The following MPHOSPH9 variants were observed in gnomAD, a reference collection of about 807,000 sequenced individuals.
The protein encoded by MPHOSPH9 is M-phase phosphoprotein 9.
Under a neutral mutation model 145.5 loss-of-function variants are expected in MPHOSPH9, and 88 were observed. The observed-to-expected ratio is 0.60, with a 90% CI of 0.51 to 0.72. MPHOSPH9 has a LOEUF of 0.72. MPHOSPH9 is among the 30% of genes least tolerant of loss of function. The pLI, the probability that MPHOSPH9 is intolerant of heterozygous loss-of-function variation, is 0.00. For synonymous variants in MPHOSPH9, 435 were observed against 486.2 expected (o/e 0.89, Z 1.39); for missense variants, 1,238 against 1,386.6 (o/e 0.89, Z 1.70).
chr12:123,181,157 C>T lies in MPHOSPH9; in HGVS notation c.2289+6G>A, dbSNP rs2045117800. 6.2e-7 allele frequency: 1 copy of T among 1,609,446 alleles called. No homozygotes were observed. Among genetic ancestry groups the T allele is most frequent in the Non-Finnish European group, 8.5e-7 (1 of 1,175,908 alleles). ...GAAATCTAGAACATGAACCATTACC[C>T]CTTACCTTTACTCTCCTGTGTTCTT... On this transcript the variant is annotated splice_donor_region_variant and intron_variant, in intron 14 of 23. Transcript: ENST00000606320.
intron 1 of MPHOSPH9, among the ~76,000 whole-genome samples, chr12:123,242,051 T>C (rs551211865): frequency 1.8e-4 from 28 of 152,338 alleles, no homozygotes; most frequent in African/African-American, 6.7e-4. Flanking sequence ...ACAGACTCTT[T>C]AGGCTCTCTG....
In MPHOSPH9 at chr12:123,166,641, C is replaced by T. The variant is rs2044333325; in HGVS notation, c.2591+14G>A. 3 of 1,608,628 alleles carry T rather than the reference C, an allele frequency of 1.9e-6. 1 individual carries two copies. In the Admixed American group the frequency reaches 5.2e-5, roughly 28 times the overall value. On this transcript the variant is annotated intron_variant, in intron 17 of 23. Transcript: ENST00000606320. Reference sequence around the variant, plus strand: ...TAACATCCCTAAATAGAATCTTTAGCAAAGTTATCTCACCCTAGGCTACAG... The same window carrying T: ...TAACATCCCTAAATAGAATCTTTAGTAAAGTTATCTCACCCTAGGCTACAG...
chr12:123,177,042 T>C (rs945086451), intron 15 of MPHOSPH9, among the ~76,000 whole-genome samples: 59 of 151,656 alleles, frequency 3.9e-4, no homozygotes, highest in African/African-American at 1.4e-3. Flanking sequence ...ATACAAAAAT[T>C]AGCTGGGCAT....
intron 16 of MPHOSPH9, among the ~76,000 whole-genome samples, chr12:123,171,931 G>A (rs1027584337): frequency 2.0e-5 from 3 of 152,054 alleles, no homozygotes; most frequent in Non-Finnish European, 2.9e-5. Flanking sequence ...AATCTCATTC[G>A]TTCCCTCCCA....
At chr12:123,194,297 C>T in intron 13 of MPHOSPH9, 89 bp downstream of exon 13, 8 of 792,264 alleles carry the variant, frequency 1.0e-5, no homozygotes, top group Non-Finnish European at 1.6e-5. Flanking sequence ...ATAAAATAAG[C>T]CTAGAAAGTC....
At chr12:123,236,356 G>A (rs1342396874), upstream of MPHOSPH9, among the ~76,000 whole-genome samples, 2 of 152,088 alleles carry the variant, frequency 1.3e-5, no homozygotes, top group Non-Finnish European at 2.9e-5. Context: ...CACTTTGGGA[G>A]GCTGAGGCAG....
chr12:123,156,332 C>T lies in MPHOSPH9; in HGVS notation c.*475G>A, dbSNP rs1252476064. On this transcript the variant is annotated 3_prime_UTR_variant, in exon 24 of 24. Coordinates refer to ENST00000606320, the MANE Select transcript of MPHOSPH9 (RefSeq NM_022782.4). The stretch of plus-strand genomic sequence containing the variant: ...GAATTGCATTATCATTTTTTAAAAA[C>T]CTCAACACAACTGAAATCCAAGGTA... The T allele has an allele frequency of 1.3e-5, 2 of 152,382 alleles. No homozygotes were observed. The highest frequency in any genetic ancestry group is 4.8e-5 in the African/African-American group (2 of 41,428). The allele number at this position is 152,382 out of a possible 1,614,324, so 9.4% of individuals were successfully genotyped here.
chr12:123,243,662 G>A (rs1015709691), intron 1 of MPHOSPH9, among the ~76,000 whole-genome samples: 20 of 151,926 alleles, frequency 1.3e-4, no homozygotes, highest in African/African-American at 4.8e-5. Context: ...CCGAGATCGC[G>A]CCACTGTACT....
chr12:123,168,403 G>A (rs1407862709), intron 16 of MPHOSPH9, among the ~76,000 whole-genome samples: 2 of 150,098 alleles, frequency 1.3e-5, no homozygotes, highest in Admixed American at 6.7e-5. Flanking sequence ...GTACGGTGGC[G>A]TGATCTCGGC....
At chr12:123,179,828 A>G in intron 15 of MPHOSPH9, 98 bp downstream of exon 15, 1 of 625,898 alleles carries the variant, frequency 1.6e-6, no homozygotes, top group South Asian at 2.5e-5. Context: ...CAAACTGCTT[A>G]AAAATCCTCA....
chr12:123,175,039 A>G (rs969892507), intron 16 of MPHOSPH9, among the ~76,000 whole-genome samples: 4 of 152,144 alleles, frequency 2.6e-5, no homozygotes, highest in Non-Finnish European at 5.9e-5. Context: ...TCCTGCTTCC[A>G]TTCTTTCCTT....
At chr12:123,217,921 T>A (rs1282848889) in intron 6 of MPHOSPH9, among the ~76,000 whole-genome samples, 1 of 151,886 alleles carries the variant, frequency 6.6e-6, no homozygotes, top group Non-Finnish European at 1.5e-5. Flanking sequence ...GGCGGGTGCC[T>A]GTAGTCCCAG....
intron 16 of MPHOSPH9, among the ~76,000 whole-genome samples, chr12:123,167,197 T>C (rs991607054): frequency 6.6e-6 from 1 of 152,192 alleles, no homozygotes; most frequent in Non-Finnish European, 1.5e-5. Context: ...ATCTGCACTG[T>C]CCAATGCAGC....
intron 2 of MPHOSPH9, 107 bp downstream of exon 2, chr12:123,230,154 T>C: frequency 1.5e-6 from 1 of 677,358 alleles, no homozygotes; most frequent in Non-Finnish European, 2.4e-6. Flanking sequence ...GGTTAAAAAA[T>C]AATAATAATT....
At chr12:123,199,450 C>T (rs1028397885) in intron 11 of MPHOSPH9, among the ~76,000 whole-genome samples, 2 of 152,056 alleles carry the variant, frequency 1.3e-5, no homozygotes, top group East Asian at 1.9e-4. Flanking sequence ...TCTTTAAGCA[C>T]GTTTCGTTTA....
At chr12:123,176,569 T>C in intron 16 of MPHOSPH9, 119 bp downstream of exon 16, 1 of 706,052 alleles carries the variant, frequency 1.4e-6, no homozygotes. Context: ...TCTAACACAT[T>C]TAAGTTCTGT....
chr12:123,189,529 T>C (rs1392143904), intron 13 of MPHOSPH9, among the ~76,000 whole-genome samples: 1 of 152,086 alleles, frequency 6.6e-6, no homozygotes. Context: ...AAATATACTA[T>C]GGAAGAGCCA....
chr12:123,168,311 AACCGCCTG>A (rs1262016693), intron 16 of MPHOSPH9, among the ~76,000 whole-genome samples: 1 of 150,618 alleles, frequency 6.6e-6, no homozygotes, highest in Non-Finnish European at 1.5e-5. Flanking sequence ...GGACACCCCA[AACCGCCTG>A]ACCGCCTGGC....
chr12:123,188,269 T>C (rs142621331), intron 13 of MPHOSPH9, among the ~76,000 whole-genome samples: 3 of 152,260 alleles, frequency 2.0e-5, no homozygotes, highest in Non-Finnish European at 2.9e-5. Flanking sequence ...GGAAATAATC[T>C]AGAAAAATAA....
Sources: gnomAD v4.1 joint callset for allele counts (sites outside exome capture counted in the v4.1 genomes callset) on GRCh38, gnomAD v4.1.1 for gene constraint, MANE v1.5 for transcripts, NCBI Gene and HGNC (gene_info 2026-07-23, HGNC 2026-07-21) for gene names.